FGF13: variants seen among roughly 807,000 people sequenced by gnomAD.
The protein encoded by FGF13 is fibroblast growth factor homologous factor 2.
In FGF13, 2 loss-of-function variants were observed where a neutral mutation model predicts 19.5. The ratio of observed to expected loss-of-function variants is 0.10; its 90% confidence interval spans 0.04 to 0.32. FGF13 has a LOEUF of 0.32. FGF13 is among the 10% of genes least tolerant of loss of function. The pLI is 1.00. For synonymous variants in FGF13, 72 were observed against 76.9 expected (o/e 0.94, Z 0.33); for missense variants, 113 against 192.7 (o/e 0.59, Z 2.45).
chrX:139,112,182 G>A (rs1030004002), intron 1 of FGF13, among the ~76,000 whole-genome samples: 5 of 111,733 alleles, frequency 4.5e-5, no homozygotes, highest in African/African-American at 1.6e-4. Context: ...CTATGTACAT[G>A]ATCCTGGGCA....
intron 1 of FGF13, among the ~76,000 whole-genome samples, chrX:139,005,141 T>C (rs1490593032): frequency 3.1e-5 from 3 of 98,267 alleles, no homozygotes; most frequent in African/African-American, 1.1e-4. Flanking sequence ...TGGCTTTAGG[T>C]CTAACTCAGG....
intron 1 of FGF13, among the ~76,000 whole-genome samples, chrX:139,108,735 G>A (rs778364122): frequency 5.1e-4 from 56 of 110,051 alleles, no homozygotes; most frequent in African/African-American, 1.1e-3. Flanking sequence ...TGTTACATAC[G>A]TAAATGTGTG....
At chrX:139,055,654 C>T (rs1443978458) in intron 1 of FGF13, among the ~76,000 whole-genome samples, 1 of 112,538 alleles carries the variant, frequency 8.9e-6, no homozygotes, top group African/African-American at 3.2e-5. Flanking sequence ...GATGGTCTGC[C>T]GCTTCAGGCT....
chrX:139,173,914 C>T (rs2084155397), intron 1 of FGF13, among the ~76,000 whole-genome samples: 1 of 111,842 alleles, frequency 8.9e-6, no homozygotes, highest in Non-Finnish European at 1.9e-5. Context: ...TGGGTATATA[C>T]CCAGCAATGG....
At chrX:138,967,936 C>G in intron 1 of FGF13, among the ~76,000 whole-genome samples, 1 of 110,813 alleles carries the variant, frequency 9.0e-6, no homozygotes, top group East Asian at 2.9e-4. Flanking sequence ...GTACAGTGAG[C>G]AGTCATTCTG....
intron 1 of FGF13, among the ~76,000 whole-genome samples, chrX:139,077,566 A>G (rs753282700): frequency 9.0e-6 from 1 of 111,397 alleles, no homozygotes; most frequent in South Asian, 3.8e-4. Flanking sequence ...ACACATACAT[A>G]TATACTTTTA....
In FGF13 at chrX:138,625,516, A is replaced by AT. The variant is rs1556025217; in HGVS notation, c.*7333_*7334insA. On this transcript the variant is annotated 3_prime_UTR_variant, in exon 5 of 5. Coordinates refer to ENST00000315930, the MANE Select transcript of FGF13 (RefSeq NM_004114.5). ...ATATATACATATATATATATAATATAATATATATATATATCTTAGCCATAT... is the reference window on the plus strand; with the variant it reads ...ATATATACATATATATATATAATATATATATATATATATATCTTAGCCATAT... The AT allele has an allele frequency of 1.2e-4, 10 of 84,608 alleles. No individual in the cohort carries two copies. Among genetic ancestry groups the AT allele is most frequent in the African/African-American group, 3.4e-4 (6 of 17,903 alleles). 7.0% of individuals were successfully genotyped at this position (84,608 alleles called of 1,213,427 possible). A position where few individuals can be genotyped will look rare whatever the true frequency, so the allele number is the denominator to read the frequency against.
chrX:138,984,432 A>C (rs2091977581), intron 1 of FGF13, among the ~76,000 whole-genome samples: 3 of 102,261 alleles, frequency 2.9e-5, no homozygotes, highest in Admixed American at 1.1e-4. Context: ...AAGAAGAAGA[A>C]AGAAGAAGAA....
Position 138,821,245 on chromosome X carries a change from C to A in FGF13, c.217+36267G>T, listed in dbSNP as rs540663353. On this transcript the variant is annotated intron_variant, in intron 3 of 6. Coordinates refer to the FGF13 transcript ENST00000436198. Reference sequence around the variant, plus strand: ...TAGAGATAGCTTATAACTGCATTGTCCAAGATGGTGTCCACTAGCAACATA... The same window carrying A: ...TAGAGATAGCTTATAACTGCATTGTACAAGATGGTGTCCACTAGCAACATA... Among the ~76,000 whole-genome samples, 585 of 111,502 alleles carry A rather than the reference C, an allele frequency of 5.2e-3. 2 individuals carry two copies. Among genetic ancestry groups the A allele is most frequent in the Non-Finnish European group, 8.0e-3 (425 of 53,080 alleles).
chrX:139,058,877 G>A (rs1046443450), intron 1 of FGF13, among the ~76,000 whole-genome samples: 6 of 111,279 alleles, frequency 5.4e-5, no homozygotes, highest in Non-Finnish European at 9.4e-5. Context: ...CCTACGTATG[G>A]TGACAGGAGC....
At chrX:138,847,065 G>T (rs931420430) in intron 3 of FGF13, among the ~76,000 whole-genome samples, 3 of 111,441 alleles carry the variant, frequency 2.7e-5, no homozygotes, top group Admixed American at 1.9e-4. Context: ...TTACACTTAA[G>T]ATCACTTTTT....
rs375940067 is a variant in FGF13, at chrX:139,060,130, C to A, written c.-113+143286G>T. ...CCCTCATTACTAGTAAGCTTGGGGA[C>A]CTTGGATCATATGTTAATCTGTGGA... On this transcript the variant is annotated intron_variant, in intron 1 of 2. Coordinates refer to the FGF13 transcript ENST00000421460. 5.4e-5 allele frequency among the ~76,000 whole-genome samples: 6 copies of A among 111,398 alleles called. No homozygotes were observed. In the East Asian group the frequency reaches 1.7e-3, roughly 31 times the overall value.
At chrX:138,645,318 G>A (rs910002826) in intron 3 of FGF13, among the ~76,000 whole-genome samples, 3 of 111,989 alleles carry the variant, frequency 2.7e-5, no homozygotes, top group African/African-American at 9.8e-5. Flanking sequence ...CACCCACAGA[G>A]TAGTCACTGG....
At chrX:139,190,623 T>C (rs1030041722) in intron 1 of FGF13, among the ~76,000 whole-genome samples, 1 of 111,686 alleles carries the variant, frequency 9.0e-6, no homozygotes, top group Non-Finnish European at 1.9e-5. Context: ...CTTCCAGCCA[T>C]TATAGCCTGT....
At chrX:138,710,699 T>C (rs991014155) in intron 1 of FGF13, 118 bp downstream of exon 1, 2 of 1,092,688 alleles carry the variant, frequency 1.8e-6, no homozygotes, top group African/African-American at 1.9e-5. Flanking sequence ...ACAGGCTAGG[T>C]GGCCTCTTCT....
chrX:139,144,640 T>A (rs1005192346), intron 1 of FGF13, among the ~76,000 whole-genome samples: 8 of 111,343 alleles, frequency 7.2e-5, no homozygotes, highest in Non-Finnish European at 1.3e-4. Context: ...GCTGAAAAGA[T>A]CTTCAACAGG....
At chrX:138,991,282 T>C (rs1265883828) in intron 1 of FGF13, among the ~76,000 whole-genome samples, 1 of 112,385 alleles carries the variant, frequency 8.9e-6, no homozygotes, top group Non-Finnish European at 1.9e-5. Context: ...ATTCCTCTCA[T>C]GGAATGAAAT....
intron 3 of FGF13, among the ~76,000 whole-genome samples, chrX:138,658,313 T>G (rs1260579746): frequency 8.9e-6 from 1 of 112,442 alleles, no homozygotes; most frequent in Non-Finnish European, 1.9e-5. Context: ...TAACAGAAAT[T>G]GCCTTCACTA....
chrX:138,986,932 C>G (rs2091996857), intron 1 of FGF13, among the ~76,000 whole-genome samples: 1 of 111,848 alleles, frequency 8.9e-6, no homozygotes, highest in Admixed American at 9.5e-5. Flanking sequence ...CTCTTCATAC[C>G]AAATATTTAA....
Sources: allele counts gnomAD v4.1 joint callset (sites outside exome capture counted in the v4.1 genomes callset), GRCh38; gene constraint gnomAD v4.1.1; transcripts MANE v1.5; gene names NCBI Gene and HGNC (gene_info 2026-07-23, HGNC 2026-07-21).